The following UBR1 variants were observed in gnomAD, a reference collection of about 807,000 sequenced individuals.
UBR1 encodes the protein ubiquitin protein ligase E3 component n-recognin 1, also known as E3 ubiquitin-protein ligase UBR1.
A neutral mutation model predicts 242.1 loss-of-function variants in UBR1; 102 were observed. The observed-to-expected ratio is 0.42, with a 90% CI of 0.36 to 0.50. The LOEUF (loss-of-function observed/expected upper bound fraction) is 0.50, where lower values mean the gene tolerates loss of function less well. Ranked by LOEUF, UBR1 falls within the 20% of genes least tolerant of loss-of-function variation. UBR1 has a pLI of 0.01. For missense variants in UBR1, 1,772 were observed against 2,101.8 expected, an observed-to-expected ratio of 0.84 and a Z score of 3.07; for synonymous variants, 675 against 684.8, an observed-to-expected ratio of 0.99 and a Z score of 0.22.
At chr15:42,996,086 C>T (rs1226395923) in intron 33 of UBR1, among the ~76,000 whole-genome samples, 3 of 152,188 alleles carry the variant, frequency 2.0e-5, no homozygotes, top group Non-Finnish European at 4.4e-5. Context: ...TACCACACAT[C>T]CAAATTTTAT....
intron 1 of UBR1, among the ~76,000 whole-genome samples, chr15:43,096,572 T>G (rs2034164675): frequency 6.6e-6 from 1 of 152,224 alleles, no homozygotes. Context: ...AGAACTTCTT[T>G]CAAAACTGGA....
At chr15:43,065,284 T>C (rs2033738248) in intron 6 of UBR1, among the ~76,000 whole-genome samples, 1 of 152,230 alleles carries the variant, frequency 6.6e-6, no homozygotes, top group Non-Finnish European at 1.5e-5. Context: ...ATCTCTATTC[T>C]TTTTGCCTTT....
chr15:42,955,139 T>G (rs1360080891), intron 44 of UBR1, among the ~76,000 whole-genome samples: 1 of 152,096 alleles, frequency 6.6e-6, no homozygotes, highest in African/African-American at 2.4e-5. Flanking sequence ...GCACTCCAGC[T>G]TGGGCAACAG....
intron 33 of UBR1, among the ~76,000 whole-genome samples, chr15:42,997,895 T>G (rs2032664521): frequency 6.6e-6 from 1 of 152,210 alleles, no homozygotes; most frequent in African/African-American, 2.4e-5. Context: ...GAATCTTGGA[T>G]CTAAGATTTA....
chr15:43,008,842 C>A (rs573024290), intron 29 of UBR1, among the ~76,000 whole-genome samples: 12 of 152,154 alleles, frequency 7.9e-5, no homozygotes, highest in Non-Finnish European at 1.6e-4. Flanking sequence ...GGATGACCTG[C>A]CTGTGGAAAG....
rs536138243 is a variant in UBR1 at position 42,960,803 on chromosome 15, C to G, written c.4701-102G>C. Reference sequence around the variant, plus strand: ...TTTTTTTTTGAGATGGATTCTCACTCTTTCGCCCAGGCTGGAGTACAGTGG... The same window carrying G: ...TTTTTTTTTGAGATGGATTCTCACTGTTTCGCCCAGGCTGGAGTACAGTGG... On this transcript the variant is annotated intron_variant, in intron 42 of 46. Transcript: ENST00000290650. 6.1e-5 allele frequency: 76 copies of G among 1,246,404 alleles called. 1 individual carries two copies. The South Asian group carries it at 9.6e-4, about 16-fold the overall frequency. 77.2% of individuals were successfully genotyped at this position (1,246,404 alleles called of 1,614,324 possible). A position where few individuals can be genotyped will look rare whatever the true frequency, so the allele number is the denominator to read the frequency against.
At chr15:42,991,183 G>A (rs913434256) in intron 33 of UBR1, among the ~76,000 whole-genome samples, 1 of 151,812 alleles carries the variant, frequency 6.6e-6, no homozygotes, top group Non-Finnish European at 1.5e-5. Flanking sequence ...GGCTGAGGCA[G>A]AAGAATCACT....
At chr15:43,012,661 T>C (rs1397254675) in intron 29 of UBR1, among the ~76,000 whole-genome samples, 4 of 152,254 alleles carry the variant, frequency 2.6e-5, no homozygotes, top group Non-Finnish European at 4.4e-5. Flanking sequence ...TATTTCTAAA[T>C]AGTATGTTGT....
chr15:42,970,453 C>A, intron 40 of UBR1, 67 bp downstream of exon 40: 5 of 1,481,584 alleles, frequency 3.4e-6, no homozygotes, highest in Non-Finnish European at 4.7e-6. Flanking sequence ...TCAAATGTTA[C>A]GTTGCCAAAC....
chr15:43,039,320 T>C (rs1314445027), intron 15 of UBR1, among the ~76,000 whole-genome samples: 2 of 152,222 alleles, frequency 1.3e-5, no homozygotes, highest in African/African-American at 2.4e-5. Context: ...GCATGGAATG[T>C]TCTTCCATTT....
chr15:42,956,499 T>C (rs1201238548), intron 44 of UBR1, among the ~76,000 whole-genome samples: 1 of 152,196 alleles, frequency 6.6e-6, no homozygotes, highest in Non-Finnish European at 1.5e-5. Flanking sequence ...TTTGTATTTT[T>C]AGCAGAGGCA....
chr15:43,100,949 A>C (rs953190519), intron 1 of UBR1, among the ~76,000 whole-genome samples: 4 of 152,274 alleles, frequency 2.6e-5, no homozygotes, highest in African/African-American at 9.6e-5. Flanking sequence ...CAATACAGTA[A>C]TTACAGATTG....
chr15:43,064,979 T>C (rs2141342094), intron 6 of UBR1, among the ~76,000 whole-genome samples: 1 of 152,322 alleles, frequency 6.6e-6, no homozygotes, highest in Admixed American at 6.5e-5. Flanking sequence ...TCTTTGTGAT[T>C]ACAGCCACCT....
intron 27 of UBR1, among the ~76,000 whole-genome samples, chr15:43,020,058 G>C (rs1283848023): frequency 6.6e-6 from 1 of 151,446 alleles, no homozygotes; most frequent in Non-Finnish European, 1.5e-5. Flanking sequence ...CCTTTTTTCT[G>C]AGACAGACTC....
At chr15:43,072,241 T>G (rs540698039) in intron 4 of UBR1, among the ~76,000 whole-genome samples, 3 of 152,254 alleles carry the variant, frequency 2.0e-5, no homozygotes, top group African/African-American at 7.2e-5. Context: ...ATAAACAGAA[T>G]AAAAAATGAC....
At chr15:43,081,470 C>A (rs2033974528) in intron 3 of UBR1, among the ~76,000 whole-genome samples, 1 of 151,246 alleles carries the variant, frequency 6.6e-6, no homozygotes, top group Admixed American at 6.6e-5. Context: ...CACATCCTCA[C>A]CAGCATTTGG....
chr15:43,022,529 A>G (rs1338730511), intron 26 of UBR1, among the ~76,000 whole-genome samples, 173 bp downstream of exon 26: 1 of 152,154 alleles, frequency 6.6e-6, no homozygotes, highest in Admixed American at 6.5e-5. Context: ...ACTTGAAAAT[A>G]TTAGTTACAA....
rs1368205655 is a variant in UBR1 at position 42,976,917 on chromosome 15, T to A, written c.4219-50A>T. On this transcript the variant is annotated intron_variant, in intron 38 of 46. Transcript: ENST00000290650. Reference sequence around the variant, plus strand: ...TATGGCTAATGATAAAAGACTAACATAAATTAATGTCATAACTAAATGTGA... The same window carrying A: ...TATGGCTAATGATAAAAGACTAACAAAAATTAATGTCATAACTAAATGTGA... 5 of 1,585,020 alleles carry A rather than the reference T, an allele frequency of 3.2e-6. No individual in the cohort carries two copies. The African/African-American group carries it at 5.4e-5, about 17-fold the overall frequency.
chr15:43,015,611 T>G (rs1442178009), intron 29 of UBR1, 77 bp downstream of exon 29: 8 of 1,497,128 alleles, frequency 5.3e-6, no homozygotes, highest in African/African-American at 1.4e-5. Flanking sequence ...CAAATCCCCC[T>G]CTCGGAGAAA....
Sources: allele counts gnomAD v4.1 joint callset (sites outside exome capture counted in the v4.1 genomes callset), GRCh38; gene constraint gnomAD v4.1.1; transcripts MANE v1.5; gene names NCBI Gene and HGNC (gene_info 2026-07-23, HGNC 2026-07-21).